C19orf38: variants seen among roughly 807,000 people sequenced by gnomAD.
C19orf38 encodes the protein chromosome 19 open reading frame 38.
C19orf38 carries 14 observed loss-of-function variants against 26.6 expected under a neutral mutation model. The observed-to-expected ratio is 0.53, with a 90% confidence interval of 0.35 to 0.82. The LOEUF is 0.82. Ranked by LOEUF, C19orf38 falls within the 40% of genes least tolerant of loss-of-function variation. C19orf38 has a pLI of 0.01. For missense variants in C19orf38, 261 were observed against 299.5 expected, an observed-to-expected ratio of 0.87 and a Z score of 0.95; for synonymous variants, 132 against 128.5, an observed-to-expected ratio of 1.03 and a Z score of -0.18.
chr19:10,856,675 T>G (rs565972294), intron 3 of C19orf38, among the ~76,000 whole-genome samples: 23 of 151,918 alleles, frequency 1.5e-4, no homozygotes, highest in African/African-American at 5.1e-4. Flanking sequence ...CGCCAATATT[T>G]GTATTTTTAG....
chr19:10,859,380 ATATATTTTTTT>A (rs1287757731), intron 4 of C19orf38, among the ~76,000 whole-genome samples: 5 of 34,380 alleles, frequency 1.5e-4, no homozygotes, highest in African/African-American at 6.1e-4. Context: ...ATATATATAT[ATATATTTTTTT>A]TTTTTTTTTT....
At chr19:10,860,590 C>A (rs1192071771) in intron 5 of C19orf38, among the ~76,000 whole-genome samples, 3 of 146,078 alleles carry the variant, frequency 2.1e-5, no homozygotes, top group Non-Finnish European at 3.0e-5. Context: ...GCCTGTAATC[C>A]CAGCACTTTG....
In C19orf38 at chr19:10,869,399, G is replaced by T. The variant is rs558824793; in HGVS notation, c.*32G>T. ...GGACTGGGGGACCCCTCTGTCTCCA[G>T]GCATTCGGGGGCCTGAGGTCCCTCC... is the stretch of plus-strand genomic sequence containing the variant. On this transcript the variant is annotated 3_prime_UTR_variant, in exon 7 of 7. Transcript: ENST00000397820. The T allele has an allele frequency of 2.0e-6, 3 of 1,521,840 alleles. No homozygotes were observed. The African/African-American group carries it at 4.2e-5, about 21-fold the overall frequency. 94.3% of individuals were successfully genotyped at this position (1,521,840 alleles called of 1,614,324 possible).
At chr19:10,866,645 C>G (rs1401916172) in intron 6 of C19orf38, among the ~76,000 whole-genome samples, 1 of 151,686 alleles carries the variant, frequency 6.6e-6, no homozygotes, top group East Asian at 1.9e-4. Context: ...GCCACCGCGG[C>G]TGGCTAAAGT....
chr19:10,863,230 A>AC lies in C19orf38; in HGVS notation c.543+25dup, dbSNP rs2073719965. The AC allele has an allele frequency of 1.9e-6, 3 of 1,549,526 alleles. No individual in the cohort carries two copies. The East Asian group carries it at 7.3e-5, about 38-fold the overall frequency. On this transcript the variant is annotated intron_variant, in intron 6 of 6. Coordinates refer to ENST00000397820, the MANE Select transcript of C19orf38 (RefSeq NM_001136482.3). ...GCGGTGAGTGGTTCTTTTTCTTGGA[A>AC]CCGGTTTTCTGCTGACCGTCCTACC...
intron 1 of C19orf38, among the ~76,000 whole-genome samples, chr19:10,839,750 A>C (rs1244435769): frequency 8.2e-6 from 1 of 121,918 alleles, no homozygotes; most frequent in South Asian, 2.4e-4. Context: ...TTTTTTTTTG[A>C]GACAGTCTCG....
intron 5 of C19orf38, among the ~76,000 whole-genome samples, chr19:10,861,367 C>A (rs545294508): frequency 6.6e-6 from 1 of 152,290 alleles, no homozygotes; most frequent in African/African-American, 2.4e-5. Flanking sequence ...CTTGAAGGCA[C>A]CCCAAGCAGA....
intron 3 of C19orf38, among the ~76,000 whole-genome samples, chr19:10,857,368 T>TATATATA (rs1568336575): frequency 8.1e-3 from 357 of 44,264 alleles, no homozygotes; most frequent in South Asian, 0.011. Context: ...ATATATATAT[T>TATATATA]TTTTTTTTTT....
Position 10,869,399 on chromosome 19 carries a change from G to A in C19orf38, c.*32G>A, listed in dbSNP as rs558824793. 1 of 1,521,958 alleles carries A rather than the reference G, an allele frequency of 6.6e-7. No homozygotes were observed. Among genetic ancestry groups the A allele is most frequent in the South Asian group, 1.2e-5 (1 of 81,654 alleles). The allele number at this position is 1,521,958 out of a possible 1,614,324, so 94.3% of individuals were successfully genotyped here. On this transcript the variant is annotated 3_prime_UTR_variant, in exon 7 of 7. Coordinates refer to ENST00000397820, the MANE Select transcript of C19orf38 (RefSeq NM_001136482.3). ...GGACTGGGGGACCCCTCTGTCTCCA[G>A]GCATTCGGGGGCCTGAGGTCCCTCC...
chr19:10,851,317 G>C (rs1028558201), intron 2 of C19orf38, among the ~76,000 whole-genome samples: 1 of 148,430 alleles, frequency 6.7e-6, no homozygotes, highest in Non-Finnish European at 1.5e-5. Context: ...CTCCCAAAGT[G>C]CTGGAATTAC....
chr19:10,865,518 T>C (rs901126842), intron 6 of C19orf38, among the ~76,000 whole-genome samples: 3 of 151,678 alleles, frequency 2.0e-5, no homozygotes, highest in Admixed American at 1.3e-4. Context: ...TGTAATCCCA[T>C]CACTTTAAGA....
intron 2 of C19orf38, among the ~76,000 whole-genome samples, chr19:10,853,988 G>C (rs1160386235): frequency 1.3e-5 from 2 of 151,510 alleles, no homozygotes; most frequent in Admixed American, 1.3e-4. Context: ...GGGAGGTAGA[G>C]GATATAGTGA....
chr19:10,842,140 C>A, intron 1 of C19orf38: 1 of 1,581,464 alleles, frequency 6.3e-7, no homozygotes, highest in South Asian at 1.1e-5. Flanking sequence ...TTCACTCAGG[C>A]CCAGATGACA....
intron 2 of C19orf38, among the ~76,000 whole-genome samples, chr19:10,853,145 C>T (rs1186666182): frequency 6.6e-6 from 1 of 151,984 alleles, no homozygotes; most frequent in Non-Finnish European, 1.5e-5. Context: ...TCACTGCAGC[C>T]TCCACTTCCT....
At chr19:10,857,738 G>A (rs1311971963) in intron 3 of C19orf38, among the ~76,000 whole-genome samples, 3 of 151,464 alleles carry the variant, frequency 2.0e-5, no homozygotes, top group East Asian at 2.0e-4. Flanking sequence ...AAAATTAGCC[G>A]GGCGTGGTGG....
chr19:10,859,877 C>T (rs1400626122), intron 4 of C19orf38, 38 bp from the exon 5 acceptor site: 2 of 1,545,580 alleles, frequency 1.3e-6, no homozygotes, highest in South Asian at 2.4e-5. Flanking sequence ...CAAGGGGCAA[C>T]CCTGATCCCT....
At chr19:10,858,251 A>AC (rs943953195) in intron 3 of C19orf38, 65 bp from the exon 4 acceptor site, 3 of 1,246,116 alleles carry the variant, frequency 2.4e-6, no homozygotes, top group African/African-American at 3.1e-5. Context: ...AAAAAAAAAA[A>AC]ACAGAAATTG....
At chr19:10,849,560 C>T (rs916548620) in intron 1 of C19orf38, among the ~76,000 whole-genome samples, 1 of 152,102 alleles carries the variant, frequency 6.6e-6, no homozygotes, top group Non-Finnish European at 1.5e-5. Context: ...CCAGCCTGGC[C>T]AACATGGTGA....
chr19:10,837,502 C>CTTTTTTT (rs2073443327), intron 1 of C19orf38, among the ~76,000 whole-genome samples: 1 of 117,754 alleles, frequency 8.5e-6, no homozygotes, highest in Admixed American at 8.6e-5. Flanking sequence ...ATTTTTTTTT[C>CTTTTTTT]CTTTTTTTTT....
Sources: gnomAD v4.1 joint callset for allele counts (sites outside exome capture counted in the v4.1 genomes callset) on GRCh38, gnomAD v4.1.1 for gene constraint, MANE v1.5 for transcripts, NCBI Gene and HGNC (gene_info 2026-07-23, HGNC 2026-07-21) for gene names.